Variants in HYDIN observed in about 807,000 individuals in gnomAD.
The protein encoded by HYDIN is axonemal central pair apparatus protein HYDIN.
In HYDIN, 132 loss-of-function variants were observed where a neutral mutation model predicts 403.9. That is an observed-to-expected ratio of 0.33 (90% CI 0.28 to 0.38). HYDIN has a LOEUF of 0.38. HYDIN is among the 10% of genes least tolerant of loss of function. The pLI is 1.00. For synonymous variants in HYDIN, 1,202 were observed against 1,891.7 expected (o/e 0.64, Z 9.46); for missense variants, 2,827 against 5,009.5 (o/e 0.56, Z 13.15).
At chr16:71,209,207 G>A (rs1163104872) in intron 1 of HYDIN, among the ~76,000 whole-genome samples, 1 of 149,722 alleles carries the variant, frequency 6.7e-6, no homozygotes, top group Non-Finnish European at 1.5e-5. Flanking sequence ...CCATCTAGTA[G>A]GCTTTATCCC....
intron 45 of HYDIN, among the ~76,000 whole-genome samples, chr16:70,923,019 C>T (rs1442374376): frequency 5.9e-5 from 9 of 152,208 alleles, no homozygotes; most frequent in African/African-American, 1.9e-4. Flanking sequence ...CTGCCTGTCT[C>T]AGCCTCCCAA....
intron 77 of HYDIN, among the ~76,000 whole-genome samples, chr16:70,836,111 TA>T (rs933874275): frequency 2.0e-4 from 31 of 152,088 alleles, no homozygotes; most frequent in Admixed American, 1.0e-3. Flanking sequence ...GAAACTAGGC[TA>T]GGGGGCTCAG....
intron 45 of HYDIN, among the ~76,000 whole-genome samples, chr16:70,925,609 T>G (rs1260063899): frequency 6.6e-6 from 1 of 151,804 alleles, no homozygotes; most frequent in East Asian, 1.9e-4. Context: ...AATTGACAAA[T>G]GGGATCTAAT....
chr16:70,958,207 A>G (rs1423039997), intron 39 of HYDIN, among the ~76,000 whole-genome samples: 1 of 152,052 alleles, frequency 6.6e-6, no homozygotes, highest in Non-Finnish European at 1.5e-5. Flanking sequence ...ATTGCCTTCA[A>G]AAGTTGTATG....
At chr16:71,032,719 CCTGT>C (rs1276349393) in intron 18 of HYDIN, among the ~76,000 whole-genome samples, 3 of 86,656 alleles carry the variant, frequency 3.5e-5, no homozygotes, top group Non-Finnish European at 7.4e-5. Context: ...TATTTCTCAA[CCTGT>C]CTCTGTTTCT....
chr16:70,807,973 G>T lies in HYDIN; in HGVS notation c.14973C>A (p.Phe4991Leu). The change falls in exon 86 of 86, where the codon TTC becomes TTA. Residue 4991 changes from phenylalanine to leucine, a missense_variant. Phe to Leu is a conservative substitution (Grantham distance 22). Transcript: ENST00000393567. The stretch of plus-strand genomic sequence containing the variant: ...TGGTCTCACCCAGGTGGCTGGGCTC[G>T]AATAAGACTTCCACACTGGCTTCAG... The part of the protein sequence containing the change: ...GGTEASVEVL[F>L]EPSHLGETKG... 1.2e-6 allele frequency: 2 copies of T among 1,614,134 alleles called. No homozygotes were observed. Among genetic ancestry groups the T allele is most frequent in the Non-Finnish European group, 1.7e-6 (2 of 1,180,024 alleles).
intron 23 of HYDIN, among the ~76,000 whole-genome samples, chr16:70,992,461 T>C (rs1363244230): frequency 7.0e-6 from 1 of 143,270 alleles, no homozygotes; most frequent in African/African-American, 2.7e-5. Context: ...CATAGCCCCC[T>C]GGGCTTCCCC....
rs558647145 is a variant in HYDIN, at chr16:70,914,431, T to C, written c.8004+3780A>G. The stretch of plus-strand genomic sequence containing the variant: ...TGCTGGATACAAAATTCTTGGCTGA[T>C]ACTTCTTTTGTTTGAGGAGTCTGAA... On this transcript the variant is annotated intron_variant, in intron 47 of 85. Transcript: ENST00000393567. Among the ~76,000 whole-genome samples the C allele has an allele frequency of 3.3e-5, 5 of 151,518 alleles. No individual in the cohort carries two copies. The East Asian group carries it at 9.7e-4, about 29-fold the overall frequency.
Position 70,853,164 on chromosome 16 carries a change from G to A in HYDIN, c.12443+1964C>T, listed in dbSNP as rs973737330. On this transcript the variant is annotated intron_variant, in intron 73 of 85. Coordinates refer to ENST00000393567, the MANE Select transcript of HYDIN (RefSeq NM_001270974.2). Reference sequence around the variant, plus strand: ...CCACTGCACTCCAGCCTGGGCAACAGAGCGAGACTCTGTCTAAGAATAGTA... The same window carrying A: ...CCACTGCACTCCAGCCTGGGCAACAAAGCGAGACTCTGTCTAAGAATAGTA... 3.3e-5 allele frequency among the ~76,000 whole-genome samples: 5 copies of A among 152,154 alleles called. No homozygotes were observed. The East Asian group carries it at 9.6e-4, about 29-fold the overall frequency.
intron 80 of HYDIN, among the ~76,000 whole-genome samples, chr16:70,831,080 C>T (rs1341231467): frequency 6.0e-5 from 9 of 150,728 alleles, no homozygotes; most frequent in Non-Finnish European, 8.8e-5. Context: ...ATTACAGGCA[C>T]GAGCTACTGT....
At chr16:71,130,470 GTTTTTTTTTTTTTT>G (rs56853905) in intron 8 of HYDIN, among the ~76,000 whole-genome samples, 29 of 75,786 alleles carry the variant, frequency 3.8e-4, no homozygotes, top group Non-Finnish European at 6.5e-4. Flanking sequence ...ATATATACCG[GTTTTTTTTTTTTTT>G]TTTTTTTTTT....
At chr16:71,219,094 C>T (rs1404795723) in intron 1 of HYDIN, among the ~76,000 whole-genome samples, 1 of 152,082 alleles carries the variant, frequency 6.6e-6, no homozygotes, top group East Asian at 1.9e-4. Context: ...AAAGCCACTG[C>T]TGCAAATTTG....
In HYDIN at chr16:70,920,981, C is replaced by T. The variant is rs1395384470; in HGVS notation, c.7395G>A (p.Lys2465=). The T allele has an allele frequency of 6.3e-7, 1 of 1,590,256 alleles. No individual in the cohort carries two copies. The highest frequency in any genetic ancestry group is 2.2e-5 in the East Asian group (1 of 44,566). The part of the protein sequence containing the change: ...PKFKTYELTL[K]DVQNILMYWD... ...AGTACATGAGGATGTTCTGGACATCCTTCAGTGTCAATTCATAGGTCTTAA... is the reference window on the plus strand; with the variant it reads ...AGTACATGAGGATGTTCTGGACATCTTTCAGTGTCAATTCATAGGTCTTAA... The change falls in exon 46 of 86, where the codon AAG becomes AAA. Residue 2465 remains lysine, a synonymous_variant. Transcript: ENST00000393567.
chr16:71,036,120 G>A (rs1397302753), intron 18 of HYDIN, among the ~76,000 whole-genome samples: 1 of 152,184 alleles, frequency 6.6e-6, no homozygotes, highest in Admixed American at 6.5e-5. Context: ...AACTCTCCCA[G>A]ATCTCAGATT....
chr16:71,172,181 A>G (rs540722074), intron 5 of HYDIN, among the ~76,000 whole-genome samples: 38 of 152,274 alleles, frequency 2.5e-4, no homozygotes, highest in Non-Finnish European at 4.4e-5. Context: ...AACTGGAAAA[A>G]CCATTTTGAC....
chr16:70,851,297 A>G (rs889959750), intron 73 of HYDIN, among the ~76,000 whole-genome samples: 4 of 151,100 alleles, frequency 2.6e-5, no homozygotes, highest in African/African-American at 9.8e-5. Flanking sequence ...CAACCTACAG[A>G]ATGGGAGGAA....
chr16:70,983,776 C>T (rs1253735472), intron 28 of HYDIN, among the ~76,000 whole-genome samples: 1 of 149,732 alleles, frequency 6.7e-6, no homozygotes, highest in Non-Finnish European at 1.5e-5. Flanking sequence ...AAGCAAAAAT[C>T]ATAATCATTT....
At chr16:70,878,862 C>A (rs1449329320) in intron 62 of HYDIN, among the ~76,000 whole-genome samples, 1 of 141,166 alleles carries the variant, frequency 7.1e-6, no homozygotes, top group South Asian at 2.1e-4. Flanking sequence ...GAGCACAATA[C>A]ATCACATTTT....
intron 23 of HYDIN, among the ~76,000 whole-genome samples, chr16:70,997,925 G>A (rs1419625426): frequency 6.6e-6 from 1 of 150,846 alleles, no homozygotes; most frequent in Non-Finnish European, 1.5e-5. Context: ...ATTCCAGTAA[G>A]CACAACTGTT....
Sources: allele counts gnomAD v4.1 joint callset (sites outside exome capture counted in the v4.1 genomes callset), GRCh38; gene constraint gnomAD v4.1.1; transcripts MANE v1.5; gene names NCBI Gene and HGNC (gene_info 2026-07-23, HGNC 2026-07-21).